Variants in ZFHX3 observed in about 807,000 individuals in gnomAD.
The protein encoded by ZFHX3 is zinc finger homeobox protein 3.
ZFHX3 carries 42 observed loss-of-function variants against 279.1 expected under a neutral mutation model. The observed-to-expected ratio is 0.15, with a 90% CI of 0.12 to 0.19. The LOEUF (loss-of-function observed/expected upper bound fraction) is 0.19, where lower values mean the gene tolerates loss of function less well. ZFHX3 is among the 10% of genes least tolerant of loss of function. ZFHX3 has a pLI of 1.00. For missense variants in ZFHX3, 4,981 were observed against 4,754.0 expected, an observed-to-expected ratio of 1.05 and a Z score of -1.40; for synonymous variants, 2,293 against 1,957.8, an observed-to-expected ratio of 1.17 and a Z score of -4.52.
chr16:72,972,832 A>G (rs1408176611), intron 1 of ZFHX3, among the ~76,000 whole-genome samples: 6 of 151,760 alleles, frequency 4.0e-5, no homozygotes, highest in African/African-American at 1.5e-4. Context: ...TCATCTCTAC[A>G]TTGCCTGTCC....
intron 2 of ZFHX3, among the ~76,000 whole-genome samples, chr16:73,667,643 T>A (rs1045174844): frequency 1.3e-4 from 20 of 152,196 alleles, no homozygotes; most frequent in Non-Finnish European, 2.4e-4. Context: ...TTTGGAGCTA[T>A]GAGAACATTT....
intron 1 of ZFHX3, among the ~76,000 whole-genome samples, chr16:73,687,011 A>AATATATATATATATAT (rs58565282): frequency 1.5e-4 from 8 of 53,228 alleles, no homozygotes; most frequent in African/African-American, 2.9e-4. Flanking sequence ...TTTGCAGCTA[A>AATATATATATATATAT]ATATATATAT....
chr16:73,763,843 C>T (rs1210052481), intron 1 of ZFHX3, among the ~76,000 whole-genome samples: 2 of 150,718 alleles, frequency 1.3e-5, no homozygotes, highest in Admixed American at 6.7e-5. Flanking sequence ...CTCCCTCTCC[C>T]TTGCTGGCTT....
chr16:73,323,435 G>A (rs1438156351), intron 3 of ZFHX3, among the ~76,000 whole-genome samples: 1 of 152,152 alleles, frequency 6.6e-6, no homozygotes, highest in African/African-American at 2.4e-5. Flanking sequence ...AAGAAGTGAG[G>A]GAACAAGGGA....
At chr16:73,196,351 G>A (rs762141785) in intron 5 of ZFHX3, among the ~76,000 whole-genome samples, 11 of 152,032 alleles carry the variant, frequency 7.2e-5, no homozygotes, top group Non-Finnish European at 1.6e-4. Flanking sequence ...TCATATCACA[G>A]TGAGCTTGGG....
chr16:73,831,929 C>G (rs1024600622), intron 1 of ZFHX3, among the ~76,000 whole-genome samples: 4 of 152,204 alleles, frequency 2.6e-5, no homozygotes, highest in Admixed American at 2.6e-4. Flanking sequence ...GAAATGGAGT[C>G]TCTCTCTGTC....
intron 5 of ZFHX3, among the ~76,000 whole-genome samples, chr16:73,171,019 T>A (rs1811845941): frequency 6.6e-6 from 1 of 152,130 alleles, no homozygotes; most frequent in African/African-American, 2.4e-5. Context: ...GTGGAACCTG[T>A]TATGAACTAA....
chr16:73,773,670 G>A (rs1050651375), intron 1 of ZFHX3, among the ~76,000 whole-genome samples: 1 of 152,232 alleles, frequency 6.6e-6, no homozygotes, highest in Non-Finnish European at 1.5e-5. Context: ...TTTGGGCACA[G>A]TGCAGAAGTG....
At chr16:73,591,384 AC>A (rs751852514) in intron 2 of ZFHX3, among the ~76,000 whole-genome samples, 4 of 148,428 alleles carry the variant, frequency 2.7e-5, no homozygotes, top group South Asian at 2.1e-4. Context: ...AAACAAACAA[AC>A]AAAAATCCAG....
At chr16:73,384,957 A>G (rs2016873087) in intron 3 of ZFHX3, among the ~76,000 whole-genome samples, 1 of 152,148 alleles carries the variant, frequency 6.6e-6, no homozygotes, top group African/African-American at 2.4e-5. Flanking sequence ...CTGGGTTCCC[A>G]TGGGACTTTT....
chr16:73,175,739 T>C (rs1967649583), intron 5 of ZFHX3, among the ~76,000 whole-genome samples: 1 of 152,174 alleles, frequency 6.6e-6, no homozygotes, highest in South Asian at 2.1e-4. Flanking sequence ...ATCCTTTGGG[T>C]TCAAGTTTAC....
intron 1 of ZFHX3, among the ~76,000 whole-genome samples, chr16:73,724,405 G>A (rs368276058): frequency 6.6e-6 from 1 of 152,206 alleles, no homozygotes; most frequent in Non-Finnish European, 1.5e-5. Flanking sequence ...TGCTAACTGG[G>A]AGATATTTTT....
chr16:73,260,514 C>T (rs991379355), intron 4 of ZFHX3, among the ~76,000 whole-genome samples: 3 of 152,016 alleles, frequency 2.0e-5, no homozygotes, highest in East Asian at 1.9e-4. Flanking sequence ...CCCATTTTTC[C>T]GTGAGCATTT....
chr16:73,625,672 G>A (rs1168634457), intron 2 of ZFHX3, among the ~76,000 whole-genome samples: 4 of 152,128 alleles, frequency 2.6e-5, no homozygotes, highest in Non-Finnish European at 5.9e-5. Context: ...GCAGACCAGC[G>A]GCATTTGTGT....
intron 2 of ZFHX3, among the ~76,000 whole-genome samples, chr16:73,547,651 G>C (rs774609538): frequency 1.3e-5 from 2 of 152,118 alleles, no homozygotes; most frequent in African/African-American, 4.8e-5. Context: ...GGTCGACTCT[G>C]TGCTCTTTCT....
chr16:73,237,262 T>A (rs1247445192), intron 5 of ZFHX3, among the ~76,000 whole-genome samples: 1 of 152,126 alleles, frequency 6.6e-6, no homozygotes, highest in Non-Finnish European at 1.5e-5. Context: ...TCTTAAAAAA[T>A]AAAATTCTTT....
rs745922739 is a variant in ZFHX3, at chr16:72,959,664, C to T, written c.482G>A (p.Ser161Asn). Residue 161 changes from serine to asparagine, a missense_variant, in exon 2 of 10, where the codon AGT becomes AAT. By Grantham distance (46) the Ser-to-Asn change is conservative (BLOSUM62 1). Coordinates refer to ENST00000268489, the MANE Select transcript of ZFHX3 (RefSeq NM_006885.4). Reference protein sequence around the residue: ...TQGGGACGSGSGSGPLPSLFL... With the variant: ...TQGGGACGSGNGSGPLPSLFL... Reference sequence around the variant, plus strand: ...AAGCGAGGGGAGAGGCCCACTGCCACTGCCACTCCCACAGGCGCCCCCGCC... The same window carrying T: ...AAGCGAGGGGAGAGGCCCACTGCCATTGCCACTCCCACAGGCGCCCCCGCC... The T allele has an allele frequency of 6.2e-6, 10 of 1,613,868 alleles. No individual in the cohort carries two copies. The East Asian group carries it at 1.3e-4, about 22-fold the overall frequency.
At chr16:73,204,457 G>A (rs2011723445) in intron 5 of ZFHX3, among the ~76,000 whole-genome samples, 1 of 152,196 alleles carries the variant, frequency 6.6e-6, no homozygotes, top group African/African-American at 2.4e-5. Context: ...TCCCTCGCAA[G>A]TGCAGTTCAC....
intron 3 of ZFHX3, among the ~76,000 whole-genome samples, chr16:72,894,856 C>G (rs1224984205): frequency 1.3e-5 from 2 of 152,252 alleles, no homozygotes; most frequent in Non-Finnish European, 2.9e-5. Flanking sequence ...GCCTCTATCA[C>G]AGAGTCACCC....
Sources: allele counts gnomAD v4.1 joint callset (sites outside exome capture counted in the v4.1 genomes callset), GRCh38; gene constraint gnomAD v4.1.1; transcripts MANE v1.5; gene names NCBI Gene and HGNC (gene_info 2026-07-23, HGNC 2026-07-21).